ELP3: variants seen among roughly 807,000 people sequenced by gnomAD.
ELP3 encodes the protein elongator acetyltransferase complex subunit 3.
Under a neutral mutation model 74.9 loss-of-function variants are expected in ELP3, and 56 were observed. The ratio of observed to expected loss-of-function variants is 0.75; its 90% CI spans 0.60 to 0.93. The LOEUF is 0.93. Among genes scored for constraint, ELP3 ranks in the 40% least tolerant of loss-of-function variants. The pLI, the probability that ELP3 is intolerant of heterozygous loss-of-function variation, is 0.00. For missense variants in ELP3, 573 were observed against 686.5 expected (o/e 0.83, Z 1.85); for synonymous variants, 222 against 239.8 (o/e 0.93, Z 0.68).
intron 14 of ELP3, among the ~76,000 whole-genome samples, chr8:28,164,001 C>T (rs563993665): frequency 3.9e-5 from 6 of 152,284 alleles, no homozygotes; most frequent in South Asian, 2.1e-4. Context: ...ATAACGACAA[C>T]GCTCTGTGAT....
At chr8:28,175,042 A>T (rs1440695312) in intron 14 of ELP3, among the ~76,000 whole-genome samples, 1 of 151,966 alleles carries the variant, frequency 6.6e-6, no homozygotes, top group Non-Finnish European at 1.5e-5. Flanking sequence ...CTATGTGATG[A>T]CTCATTTTGC....
intron 7 of ELP3, among the ~76,000 whole-genome samples, chr8:28,121,645 G>C (rs1339092138): frequency 6.6e-6 from 1 of 152,008 alleles, no homozygotes; most frequent in Non-Finnish European, 1.5e-5. Flanking sequence ...TCAAATTTTT[G>C]CTGCTAATAT....
intron 7 of ELP3, among the ~76,000 whole-genome samples, chr8:28,122,391 C>T (rs764106382): frequency 2.0e-5 from 3 of 152,286 alleles, no homozygotes; most frequent in South Asian, 2.1e-4. Context: ...CTTCCATAAA[C>T]GTTTGCTAGA....
intron 10 of ELP3, among the ~76,000 whole-genome samples, chr8:28,152,494 T>C (rs1813679143): frequency 6.6e-6 from 1 of 152,236 alleles, no homozygotes; most frequent in Non-Finnish European, 1.5e-5. Context: ...TCACTTGTGC[T>C]TTGGCGTCAT....
chr8:28,115,062 G>A (rs1397533615), intron 7 of ELP3, among the ~76,000 whole-genome samples: 1 of 152,156 alleles, frequency 6.6e-6, no homozygotes, highest in African/African-American at 2.4e-5. Context: ...GTCAGAAATG[G>A]TAGGAAGGTA....
chr8:28,104,126 G>A lies in ELP3; in HGVS notation c.259-2587G>A, dbSNP rs185434011. On this transcript the variant is annotated intron_variant, in intron 3 of 14. Coordinates refer to ENST00000256398, the MANE Select transcript of ELP3 (RefSeq NM_018091.6). ...ATGACATGATGTTGAGCATCTTTCC[G>A]TATACTTATTTGCCACTGTATATCT... 4.6e-5 allele frequency among the ~76,000 whole-genome samples: 7 copies of A among 152,262 alleles called. No homozygotes were observed. In the East Asian group the frequency reaches 5.8e-4, roughly 13 times the overall value.
At chr8:28,101,823 G>C (rs6558037) in intron 3 of ELP3, among the ~76,000 whole-genome samples, 89,634 of 151,914 alleles carry the variant, frequency 0.59, 28,530 homozygotes, top group East Asian at 0.92. Context: ...CTCTTGACCT[G>C]AGGTGATCTG....
In ELP3 at chr8:28,112,935, C is replaced by G. The variant is rs1811977579; in HGVS notation, c.463-84C>G. ...TTTTTAAACTGTACTGATGAAAACA[C>G]TGCAAAATAAGAGATTTGCAATGCC... On this transcript the variant is annotated intron_variant, in intron 6 of 14. Transcript: ENST00000256398. 3.1e-6 allele frequency: 4 copies of G among 1,302,652 alleles called. No individual in the cohort carries two copies. In the East Asian group the frequency reaches 7.2e-5, roughly 23 times the overall value. 80.7% of individuals were successfully genotyped at this position (1,302,652 alleles called of 1,614,324 possible).
rs556207025 is a variant in ELP3 at position 28,113,268 on chromosome 8, A to G, written c.617+95A>G. On this transcript the variant is annotated intron_variant, in intron 7 of 14. Coordinates refer to ENST00000256398, the MANE Select transcript of ELP3 (RefSeq NM_018091.6). ...AGAATGCCTTCTGCCCTGCATCCACATTCTTACTTCTCATAATCTTTCTTG... is the reference window on the plus strand; with the variant it reads ...AGAATGCCTTCTGCCCTGCATCCACGTTCTTACTTCTCATAATCTTTCTTG... The G allele has an allele frequency of 1.1e-4, 95 of 840,216 alleles. 1 individual carries two copies. The South Asian group carries it at 2.5e-3, about 22-fold the overall frequency. The allele number at this position is 840,216 out of a possible 1,614,324, so 52.0% of individuals were successfully genotyped here. A position where few individuals can be genotyped will look rare whatever the true frequency, so the allele number is the denominator to read the frequency against.
intron 6 of ELP3, among the ~76,000 whole-genome samples, chr8:28,111,577 G>A (rs535615496): frequency 2.0e-5 from 3 of 152,292 alleles, no homozygotes; most frequent in South Asian, 2.1e-4. Flanking sequence ...CAGGATTGTC[G>A]GTGACAGGAG....
intron 10 of ELP3, among the ~76,000 whole-genome samples, chr8:28,146,223 A>G (rs1813425648): frequency 1.3e-5 from 2 of 152,214 alleles, no homozygotes; most frequent in South Asian, 4.1e-4. Context: ...CAATGATTAA[A>G]TGTAAAATTC....
chr8:28,123,735 T>G (rs1812463578), intron 7 of ELP3, among the ~76,000 whole-genome samples: 1 of 152,254 alleles, frequency 6.6e-6, no homozygotes, highest in Non-Finnish European at 1.5e-5. Flanking sequence ...TCCTGATGTA[T>G]GAGCTTTTCA....
intron 6 of ELP3, among the ~76,000 whole-genome samples, chr8:28,111,081 A>AAAGAAGTATTGTGACAGATTTGTTGGGTC (rs1811898932): frequency 1.3e-5 from 2 of 152,166 alleles, no homozygotes; most frequent in Non-Finnish European, 2.9e-5. Flanking sequence ...CCTGTCTCAA[A>AAAGAAGTATTGTGACAGATTTGTTGGGTC]AAGAAGTATT....
At chr8:28,156,742 A>G (rs114318358) in intron 11 of ELP3, among the ~76,000 whole-genome samples, 1,805 of 152,272 alleles carry the variant, frequency 0.012, 32 homozygotes, top group African/African-American at 0.04. Context: ...CACTAGGTAC[A>G]TGGTTCTCAT....
intron 1 of ELP3, 149 bp downstream of exon 1, chr8:28,093,382 C>G (rs1365914682): frequency 1.9e-6 from 2 of 1,068,586 alleles, no homozygotes; most frequent in African/African-American, 3.2e-5. Flanking sequence ...CATTCTGGTC[C>G]CCGAGCCTTC....
chr8:28,155,560 C>CAT (rs1234707889), intron 10 of ELP3, among the ~76,000 whole-genome samples: 1 of 152,188 alleles, frequency 6.6e-6, no homozygotes, highest in African/African-American at 2.4e-5. Context: ...ATGTAAGCTA[C>CAT]ATTGTTGAAC....
rs781634942 is a variant in ELP3, at chr8:28,160,254, T to C, written c.1283T>C (p.Val428Ala). 13 of 1,614,054 alleles carry C rather than the reference T, an allele frequency of 8.1e-6. No individual in the cohort carries two copies. Among genetic ancestry groups the C allele is most frequent in the Non-Finnish European group, 1.0e-5 (12 of 1,180,008 alleles). ...YQVELVRRDYVANGGWETFLS... is the reference protein window; with the variant it reads ...YQVELVRRDYAANGGWETFLS... ...GTTGAATTGGTAAGGAGAGATTATG[T>C]TGCAAATGGTGGCTGGGAAACATTC... The change falls in exon 13 of 15, where the codon GTT (valine) becomes GCT (alanine). Residue 428 changes from valine to alanine, a missense_variant. Transcript: ENST00000256398.
chr8:28,151,687 T>A (rs1478985546), intron 10 of ELP3, among the ~76,000 whole-genome samples: 3 of 152,158 alleles, frequency 2.0e-5, no homozygotes. Flanking sequence ...CCTACGCCCT[T>A]AGATGGGACA....
chr8:28,137,648 T>TAATCTC, intron 9 of ELP3, 50 bp from the exon 10 acceptor site: 2 of 1,567,682 alleles, frequency 1.3e-6, no homozygotes, highest in Non-Finnish European at 1.7e-6. Context: ...TCACCCTCGG[T>TAATCTC]GATCTCTGCA....
Sources: allele counts gnomAD v4.1 joint callset (sites outside exome capture counted in the v4.1 genomes callset), GRCh38; gene constraint gnomAD v4.1.1; transcripts MANE v1.5; gene names NCBI Gene and HGNC (gene_info 2026-07-23, HGNC 2026-07-21).